Variants in PRIM2 observed in about 807,000 individuals in gnomAD.
PRIM2 encodes the protein DNA primase large subunit.
PRIM2 carries 39 observed loss-of-function variants against 67.3 expected under a neutral mutation model. The ratio of observed to expected loss-of-function variants is 0.58; its 90% CI spans 0.45 to 0.76. The LOEUF is 0.76. Among genes scored for constraint, PRIM2 ranks in the 30% least tolerant of loss-of-function variants. The pLI is 0.00. For synonymous variants in PRIM2, 143 were observed against 198.7 expected, an observed-to-expected ratio of 0.72 and a Z score of 2.36; for missense variants, 398 against 598.7, an observed-to-expected ratio of 0.66 and a Z score of 3.50.
At chr6:57,493,193 C>G (rs1251837755) in intron 7 of PRIM2, among the ~76,000 whole-genome samples, 155 of 152,228 alleles carry the variant, frequency 1.0e-3, no homozygotes, top group African/African-American at 3.5e-3. Context: ...TTCATTCTTG[C>G]CTTGCATAGG....
chr6:57,537,369 C>A, intron 9 of PRIM2, 71 bp from the exon 10 acceptor site: 3 of 739,094 alleles, frequency 4.1e-6, no homozygotes, highest in Non-Finnish European at 6.2e-6. Context: ...AATTAGGAAC[C>A]ATAACAAATA....
chr6:57,524,137 A>T (rs1414955714), intron 8 of PRIM2, among the ~76,000 whole-genome samples: 3 of 152,120 alleles, frequency 2.0e-5, no homozygotes, highest in African/African-American at 7.2e-5. Flanking sequence ...ATTTAATTGG[A>T]TTTAAAATGG....
At chr6:57,329,570 G>A (rs1767985010) in intron 5 of PRIM2, among the ~76,000 whole-genome samples, 1 of 151,970 alleles carries the variant, frequency 6.6e-6, no homozygotes, top group Admixed American at 6.6e-5. Flanking sequence ...TCTCCCCCAT[G>A]GTAGTCTCAT....
intron 5 of PRIM2, among the ~76,000 whole-genome samples, chr6:57,354,511 G>A (rs546372447): frequency 1.3e-5 from 2 of 151,912 alleles, no homozygotes; most frequent in East Asian, 1.9e-4. Context: ...TAAACTCACC[G>A]TTTCACCTTC....
chr6:57,573,829 C>A (rs1448225347), intron 10 of PRIM2, among the ~76,000 whole-genome samples: 45 of 152,206 alleles, frequency 3.0e-4, no homozygotes, highest in Non-Finnish European at 7.3e-5. Context: ...TATAGAGTTT[C>A]CGCGTAGTTG....
intron 13 of PRIM2, among the ~76,000 whole-genome samples, chr6:57,633,723 G>A (rs2127499820): frequency 6.6e-6 from 1 of 152,194 alleles, no homozygotes; most frequent in Non-Finnish European, 1.5e-5. Context: ...ACGCAACCTA[G>A]ATCCCTTGCA....
intron 10 of PRIM2, among the ~76,000 whole-genome samples, chr6:57,544,212 G>C (rs1433435097): frequency 1.3e-5 from 2 of 152,054 alleles, no homozygotes; most frequent in Non-Finnish European, 2.9e-5. Flanking sequence ...GTTTCTGTGT[G>C]GGGGAGAAGT....
the PRIM2 span, among the ~76,000 whole-genome samples, chr6:57,284,136 C>T: frequency 6.6e-6 from 1 of 151,982 alleles, no homozygotes; most frequent in Non-Finnish European, 1.5e-5. Flanking sequence ...ATAGAGCAAA[C>T]TTTTTTCTGT....
chr6:57,496,035 T>A (rs1398869130), intron 7 of PRIM2, among the ~76,000 whole-genome samples: 4 of 152,342 alleles, frequency 2.6e-5, no homozygotes, highest in Admixed American at 2.0e-4. Context: ...CTTGAGCCAC[T>A]GCGCCCAGCC....
At chr6:57,539,493 A>G (rs1212890399) in intron 10 of PRIM2, among the ~76,000 whole-genome samples, 1 of 152,000 alleles carries the variant, frequency 6.6e-6, no homozygotes, top group Non-Finnish European at 1.5e-5. Context: ...ATATGTTACT[A>G]ATATAAATAA....
At chr6:57,391,098 A>G (rs1427581685) in intron 7 of PRIM2, among the ~76,000 whole-genome samples, 2 of 137,770 alleles carry the variant, frequency 1.5e-5, no homozygotes, top group Admixed American at 1.5e-4. Flanking sequence ...ATGAGATGGT[A>G]TCTCATTGTG....
intron 10 of PRIM2, among the ~76,000 whole-genome samples, chr6:57,541,224 T>C (rs1365279758): frequency 1.3e-5 from 2 of 152,202 alleles, no homozygotes; most frequent in African/African-American, 4.8e-5. Flanking sequence ...AGTACAGTAC[T>C]GTAAATGTAT....
intron 7 of PRIM2, among the ~76,000 whole-genome samples, chr6:57,405,540 A>G (rs1245080379): frequency 7.3e-6 from 1 of 137,386 alleles, no homozygotes; most frequent in African/African-American, 2.8e-5. Context: ...TTCTCATAGT[A>G]ATAGGATTGG....
Position 57,569,022 on chromosome 6 carries a change from G to C in PRIM2, c.1020+31397G>C, listed in dbSNP as rs1483171623. Among the ~76,000 whole-genome samples, 16 of 152,352 alleles carry C rather than the reference G, an allele frequency of 1.1e-4. No homozygotes were observed. In the South Asian group the frequency reaches 2.7e-3, roughly 26 times the overall value. ...TCTTTCTGAACTTCAGATTGCTATT[G>C]CACCAAAGTTAGGATGAGCTATATT... On this transcript the variant is annotated intron_variant, in intron 10 of 13. Coordinates refer to ENST00000615550, the MANE Select transcript of PRIM2 (RefSeq NM_000947.5).
At chr6:57,306,969 G>C in the PRIM2 span, among the ~76,000 whole-genome samples, 1 of 152,122 alleles carries the variant, frequency 6.6e-6, no homozygotes, top group South Asian at 2.1e-4. Flanking sequence ...GGGAGACCAA[G>C]GCAGGTGGAT....
chr6:57,249,943 G>A, the PRIM2 span, among the ~76,000 whole-genome samples: 1 of 152,164 alleles, frequency 6.6e-6, no homozygotes, highest in African/African-American at 2.4e-5. Flanking sequence ...ACTACACCCT[G>A]CCTGAACTAG....
chr6:57,464,985 A>G (rs1267079728), intron 7 of PRIM2, among the ~76,000 whole-genome samples: 18 of 152,216 alleles, frequency 1.2e-4, no homozygotes, highest in Admixed American at 1.2e-3. Context: ...TAGTATTTAC[A>G]TCCTTGGCAA....
chr6:57,491,893 G>A (rs1403089531), intron 7 of PRIM2, among the ~76,000 whole-genome samples: 1 of 152,174 alleles, frequency 6.6e-6, no homozygotes, highest in Non-Finnish European at 1.5e-5. Context: ...TGTATAAGAT[G>A]CCAATTCCTG....
chr6:57,458,996 A>G (rs1162546379), intron 7 of PRIM2, among the ~76,000 whole-genome samples: 18 of 152,364 alleles, frequency 1.2e-4, no homozygotes, highest in Admixed American at 2.6e-4. Context: ...GAACAAAAAA[A>G]TAACTATTTG....
Sources: allele counts gnomAD v4.1 joint callset (sites outside exome capture counted in the v4.1 genomes callset), GRCh38; gene constraint gnomAD v4.1.1; transcripts MANE v1.5; gene names NCBI Gene and HGNC (gene_info 2026-07-23, HGNC 2026-07-21).